The following LEMD1 variants were observed in gnomAD, a reference collection of about 807,000 sequenced individuals.
The protein encoded by LEMD1 is LEM domain containing 1, also known as LEM domain-containing protein 1.
Under a neutral mutation model 17.4 loss-of-function variants are expected in LEMD1, and 18 were observed. That is an observed-to-expected ratio of 1.04 (90% CI 0.72 to 1.54). The LOEUF (loss-of-function observed/expected upper bound fraction) is 1.54. Ranked by LOEUF, LEMD1 falls within the 40% of genes most tolerant of loss-of-function variation. The pLI is 0.00. For missense variants in LEMD1, 195 were observed against 210.4 expected, an observed-to-expected ratio of 0.93 and a Z score of 0.45; for synonymous variants, 88 against 77.8, an observed-to-expected ratio of 1.13 and a Z score of -0.69.
chr1:205,381,899 G>A, intron 5 of LEMD1, 43 bp from the exon 6 acceptor site: 1 of 1,592,516 alleles, frequency 6.3e-7, no homozygotes, highest in East Asian at 2.2e-5. Flanking sequence ...GACAGCTGTG[G>A]TGCACTTGAG....
At chr1:205,434,305 G>A (rs1352922417) in intron 1 of LEMD1, among the ~76,000 whole-genome samples, 1 of 148,652 alleles carries the variant, frequency 6.7e-6, no homozygotes, top group East Asian at 2.0e-4. Flanking sequence ...CCAAGTAGCT[G>A]GGACTACAGG....
chr1:205,423,410 A>G (rs1666011995), upstream of LEMD1, among the ~76,000 whole-genome samples: 1 of 152,242 alleles, frequency 6.6e-6, no homozygotes, highest in African/African-American at 2.4e-5. Flanking sequence ...TACATTTCCC[A>G]GAATTGCTTT....
Position 205,381,387 on chromosome 1 carries a change from T to G in LEMD1, c.*271A>C, listed in dbSNP as rs1473093690. The G allele has an allele frequency of 2.1e-6, 1 of 471,368 alleles. No individual in the cohort carries two copies. Among genetic ancestry groups the G allele is most frequent in the Non-Finnish European group, 3.8e-6 (1 of 260,524 alleles). The allele number at this position is 471,368 out of a possible 1,614,324, so 29.2% of individuals were successfully genotyped here. A position where few individuals can be genotyped will look rare whatever the true frequency, so the allele number is the denominator to read the frequency against. On this transcript the variant is annotated 3_prime_UTR_variant, in exon 6 of 6. Transcript: ENST00000367153. ...GAAAAACGCCAGACAGTTTCCTTGT[T>G]TGACGCCTGCTCAAATATGGAAGCA...
intron 5 of LEMD1, among the ~76,000 whole-genome samples, chr1:205,382,408 C>A (rs760122224): frequency 2.5e-4 from 38 of 151,942 alleles, no homozygotes; most frequent in Non-Finnish European, 3.8e-4. Flanking sequence ...CAGAATGAGA[C>A]CCTGTCTCCA....
At chr1:205,398,899 G>A (rs1664708976) in intron 4 of LEMD1, among the ~76,000 whole-genome samples, 2 of 152,234 alleles carry the variant, frequency 1.3e-5, no homozygotes, top group African/African-American at 4.8e-5. Context: ...TTGTGACTGG[G>A]TGATTAGTTA....
chr1:205,447,921 T>A (rs1317950051), intron 1 of LEMD1, among the ~76,000 whole-genome samples: 1 of 152,022 alleles, frequency 6.6e-6, no homozygotes, highest in Non-Finnish European at 1.5e-5. Context: ...AGGAGTGAGG[T>A]TTTCCTGGAG....
At chr1:205,418,102 C>T (rs867208335) in intron 3 of LEMD1, among the ~76,000 whole-genome samples, 6 of 152,098 alleles carry the variant, frequency 3.9e-5, no homozygotes, top group South Asian at 4.2e-4. Flanking sequence ...GGGCTGCTTC[C>T]GAGCTCAGTG....
intron 1 of LEMD1, among the ~76,000 whole-genome samples, chr1:205,432,072 G>A (rs781133536): frequency 3.7e-4 from 57 of 152,304 alleles, no homozygotes; most frequent in Non-Finnish European, 6.9e-4. Context: ...CTGGTCCCAG[G>A]CAATGTGGTG....
chr1:205,444,618 G>C (rs1666351993), intron 1 of LEMD1, among the ~76,000 whole-genome samples: 1 of 152,124 alleles, frequency 6.6e-6, no homozygotes. Flanking sequence ...AGGAGACTCA[G>C]AGCAGGCCAG....
At chr1:205,436,822 A>G (rs1285120236) in intron 1 of LEMD1, 8 of 152,358 alleles carry the variant, frequency 5.3e-5, no homozygotes, top group African/African-American at 1.9e-4. Flanking sequence ...TCTCTGGTGA[A>G]AGCCCACCTT....
At chr1:205,439,169 G>A (rs1666254311) in intron 1 of LEMD1, among the ~76,000 whole-genome samples, 1 of 152,304 alleles carries the variant, frequency 6.6e-6, no homozygotes, top group African/African-American at 2.4e-5. Flanking sequence ...CTCACCCAAG[G>A]CCTCTACTAT....
At chr1:205,424,610 A>G (rs12137004), upstream of LEMD1, among the ~76,000 whole-genome samples, 8,304 of 152,306 alleles carry the variant, frequency 0.055, 306 homozygotes, top group Non-Finnish European at 0.082. Context: ...ATGCTGCAGG[A>G]GCCCAGAATC....
chr1:205,423,945 A>T (rs953281956), upstream of LEMD1, among the ~76,000 whole-genome samples: 11 of 152,204 alleles, frequency 7.2e-5, no homozygotes, highest in Non-Finnish European at 1.6e-4. Context: ...CCTTAATGCC[A>T]CATGCTGGTA....
intron 4 of LEMD1, among the ~76,000 whole-genome samples, chr1:205,403,571 A>G (rs142318618): frequency 0.31 from 45,919 of 150,498 alleles, 7,304 homozygotes; most frequent in African/African-American, 0.38. Context: ...TTTTTATTGC[A>G]TCTATTTGAT....
At chr1:205,420,951 T>A (rs192028470) in intron 1 of LEMD1, among the ~76,000 whole-genome samples, 339 of 112,744 alleles carry the variant, frequency 3.0e-3, no homozygotes, top group Non-Finnish European at 3.8e-3. Context: ...GCTGAGAGGT[T>A]TTTTTTTTTT....
intron 4 of LEMD1, among the ~76,000 whole-genome samples, chr1:205,402,076 AC>A (rs1664878593): frequency 6.6e-6 from 1 of 152,156 alleles, no homozygotes; most frequent in Non-Finnish European, 1.5e-5. Flanking sequence ...CTGTTTTGGT[AC>A]CAGTATCATG....
intron 3 of LEMD1, among the ~76,000 whole-genome samples, chr1:205,418,746 C>A (rs1665815640): frequency 6.6e-6 from 1 of 152,174 alleles, no homozygotes; most frequent in Admixed American, 6.5e-5. Flanking sequence ...GAATTCCTGG[C>A]CTCAGGTGCT....
intron 4 of LEMD1, among the ~76,000 whole-genome samples, chr1:205,411,074 G>A (rs1665372398): frequency 1.2e-5 from 1 of 84,562 alleles, no homozygotes; most frequent in African/African-American, 4.2e-5. Flanking sequence ...GGGAAAGAAA[G>A]AAATGAAGGA....
At chr1:205,401,682 G>A (rs909097986) in intron 4 of LEMD1, among the ~76,000 whole-genome samples, 1 of 152,120 alleles carries the variant, frequency 6.6e-6, no homozygotes. Context: ...AGTTTCTTTT[G>A]CTGTGCAGAA....
Sources: gnomAD v4.1 joint callset for allele counts (sites outside exome capture counted in the v4.1 genomes callset) on GRCh38, gnomAD v4.1.1 for gene constraint, MANE v1.5 for transcripts, NCBI Gene and HGNC (gene_info 2026-07-23, HGNC 2026-07-21) for gene names.